Variants in CLEC5A observed in about 807,000 individuals in gnomAD.
The protein encoded by CLEC5A is C-type lectin domain family 5 member A.
Under a neutral mutation model 24.4 loss-of-function variants are expected in CLEC5A, and 15 were observed. That is an observed-to-expected ratio of 0.62 (90% confidence interval 0.41 to 0.95). The LOEUF (loss-of-function observed/expected upper bound fraction) is 0.95, where lower values mean the gene tolerates loss of function less well. Ranked by LOEUF, CLEC5A falls within the 40% of genes least tolerant of loss-of-function variation. The pLI is 0.00. For missense variants in CLEC5A, 211 were observed against 224.0 expected (o/e 0.94, Z 0.37); for synonymous variants, 71 against 72.6 (o/e 0.98, Z 0.11).
At chr7:141,936,213 C>T in intron 4 of CLEC5A, 1 of 465,376 alleles carries the variant, frequency 2.1e-6, no homozygotes, top group South Asian at 2.3e-5. Context: ...TGACAACTAT[C>T]TACACACAAA....
intron 5 of CLEC5A, among the ~76,000 whole-genome samples, 181 bp downstream of exon 5, chr7:141,935,633 T>G (rs1225598888): frequency 6.6e-6 from 1 of 152,164 alleles, no homozygotes; most frequent in African/African-American, 2.4e-5. Context: ...TCATGCTGCT[T>G]CACTGCTACT....
intron 5 of CLEC5A, among the ~76,000 whole-genome samples, chr7:141,934,637 T>C (rs1244639580): frequency 7.3e-6 from 1 of 136,998 alleles, no homozygotes; most frequent in Non-Finnish European, 1.5e-5. Flanking sequence ...TTTTTTTTTT[T>C]TTTTTTGAGA....
chr7:141,935,994 G>A (rs782383048), intron 4 of CLEC5A, 44 bp from the exon 5 acceptor site: 9 of 1,558,464 alleles, frequency 5.8e-6, no homozygotes, highest in South Asian at 1.1e-5. Flanking sequence ...ACTGGTTTGG[G>A]TTATGAATCC....
intron 5 of CLEC5A, among the ~76,000 whole-genome samples, chr7:141,935,109 C>T (rs1243108420): frequency 1.3e-5 from 2 of 152,148 alleles, no homozygotes; most frequent in Non-Finnish European, 2.9e-5. Flanking sequence ...GAAGTTCTTA[C>T]AAATTCTTCT....
intron 4 of CLEC5A, among the ~76,000 whole-genome samples, chr7:141,943,527 G>T (rs906990370): frequency 6.6e-6 from 1 of 151,804 alleles, no homozygotes; most frequent in Non-Finnish European, 1.5e-5. Context: ...GGCACAACAG[G>T]GTGACTATAG....
chr7:141,938,289 A>C (rs1802689264), intron 4 of CLEC5A, among the ~76,000 whole-genome samples: 1 of 152,150 alleles, frequency 6.6e-6, no homozygotes, highest in Non-Finnish European at 1.5e-5. Context: ...ACAGAAAAGA[A>C]ATTCAGAATT....
At chr7:141,936,115 C>T (rs1230330728) in intron 4 of CLEC5A, 165 bp from the exon 5 acceptor site, 6 of 641,264 alleles carry the variant, frequency 9.4e-6, no homozygotes, top group Non-Finnish European at 1.4e-5. Flanking sequence ...AGTCTGGTTC[C>T]TTGACAATAA....
At chr7:141,932,650 A>G (rs1446628542) in intron 5 of CLEC5A, among the ~76,000 whole-genome samples, 1 of 152,242 alleles carries the variant, frequency 6.6e-6, no homozygotes, top group African/African-American at 2.4e-5. Flanking sequence ...AGTGTCTATT[A>G]TATGCCATGC....
chr7:141,935,721 A>ATCCTCACTCCT, intron 5 of CLEC5A, 93 bp downstream of exon 5: 1 of 1,097,054 alleles, frequency 9.1e-7, no homozygotes. Flanking sequence ...TCCTCACTCC[A>ATCCTCACTCCT]TCCCATCCCC....
intron 3 of CLEC5A, 49 bp downstream of exon 3, chr7:141,945,292 A>G (rs1802919510): frequency 3.8e-6 from 5 of 1,316,662 alleles, no homozygotes; most frequent in South Asian, 3.5e-5. Flanking sequence ...GGAATTCAGC[A>G]TAGAAGTAGC....
intron 6 of CLEC5A, among the ~76,000 whole-genome samples, chr7:141,931,281 G>A (rs1393575525): frequency 6.6e-6 from 1 of 152,144 alleles, no homozygotes; most frequent in African/African-American, 2.4e-5. Context: ...TATACCAACT[G>A]GGTTGCCTCC....
intron 4 of CLEC5A, 61 bp from the exon 5 acceptor site, chr7:141,936,011 T>G: frequency 7.2e-7 from 1 of 1,379,752 alleles, no homozygotes; most frequent in South Asian, 1.2e-5. Flanking sequence ...ATCCTGCAAC[T>G]AAGTCATGAA....
At chr7:141,938,880 G>A (rs1259025994) in intron 4 of CLEC5A, among the ~76,000 whole-genome samples, 2 of 151,912 alleles carry the variant, frequency 1.3e-5, no homozygotes, top group African/African-American at 4.8e-5. Context: ...AGTTGCTGAA[G>A]CAAAAAACCC....
intron 4 of CLEC5A, among the ~76,000 whole-genome samples, chr7:141,943,210 G>A (rs782533870): frequency 2.6e-4 from 39 of 152,134 alleles, no homozygotes; most frequent in Middle Eastern, 3.4e-3. Context: ...AAAGAAGTGT[G>A]GTACATATAC....
chr7:141,937,626 G>C (rs1189499258), intron 4 of CLEC5A, among the ~76,000 whole-genome samples: 1 of 152,168 alleles, frequency 6.6e-6, no homozygotes, highest in Non-Finnish European at 1.5e-5. Flanking sequence ...GAGGTCACAG[G>C]CTTGGCTGGC....
intron 1 of CLEC5A, among the ~76,000 whole-genome samples, chr7:141,946,578 C>T (rs1162589907): frequency 6.6e-6 from 1 of 152,194 alleles, no homozygotes; most frequent in Non-Finnish European, 1.5e-5. Context: ...TTGTGGCCTC[C>T]TAAATTCTGT....
intron 5 of CLEC5A, among the ~76,000 whole-genome samples, chr7:141,934,406 G>A (rs146207954): frequency 0.018 from 2,748 of 152,212 alleles, 48 homozygotes; most frequent in South Asian, 0.068. Flanking sequence ...GGTGACATGA[G>A]TACTCACCAG....
At chr7:141,939,415 C>A (rs13237944) in intron 4 of CLEC5A, among the ~76,000 whole-genome samples, 34,988 of 151,258 alleles carry the variant, frequency 0.23, 4,946 homozygotes, top group East Asian at 0.46. Context: ...AACCTTGAAT[C>A]AAAAAATATA....
intron 4 of CLEC5A, among the ~76,000 whole-genome samples, chr7:141,940,567 A>G (rs1456295821): frequency 6.6e-5 from 10 of 151,924 alleles, no homozygotes; most frequent in Non-Finnish European, 1.3e-4. Context: ...GTAGAACAAA[A>G]GAAATAATAA....
Sources: gnomAD v4.1 joint callset for allele counts (sites outside exome capture counted in the v4.1 genomes callset) on GRCh38, gnomAD v4.1.1 for gene constraint, MANE v1.5 for transcripts, NCBI Gene and HGNC (gene_info 2026-07-23, HGNC 2026-07-21) for gene names.